Variants in HSD17B13 observed in about 807,000 individuals in gnomAD.
HSD17B13 encodes 17-beta-hydroxysteroid dehydrogenase 13.
In HSD17B13, 26 loss-of-function variants were observed where a neutral mutation model predicts 31.1. The observed-to-expected ratio is 0.84, with a 90% CI of 0.61 to 1.16. The LOEUF is 1.16. Ranked by LOEUF, HSD17B13 falls within the 50% of genes most tolerant of loss-of-function variation. HSD17B13 has a pLI of 0.00. For missense variants in HSD17B13, 374 were observed against 366.5 expected, an observed-to-expected ratio of 1.02 and a Z score of -0.17; for synonymous variants, 141 against 133.7, an observed-to-expected ratio of 1.05 and a Z score of -0.38.
intron 5 of HSD17B13, among the ~76,000 whole-genome samples, chr4:87,310,800 G>A (rs1180017022): frequency 4.6e-5 from 7 of 152,106 alleles, no homozygotes; most frequent in Admixed American, 2.0e-4. Context: ...TTTTGAGGTC[G>A]TCATTTTGTC....
intron 1 of HSD17B13, among the ~76,000 whole-genome samples, chr4:87,320,393 T>TG (rs1553956631): frequency 3.4e-5 from 5 of 145,080 alleles, no homozygotes; most frequent in South Asian, 4.5e-4. Context: ...TTTTTTTTTT[T>TG]TTTTTTTTTT....
intron 4 of HSD17B13, among the ~76,000 whole-genome samples, chr4:87,314,927 A>G (rs1420111865): frequency 6.6e-6 from 1 of 152,222 alleles, no homozygotes; most frequent in African/African-American, 2.4e-5. Context: ...ACCTGGTTTC[A>G]TTGTTTTAGA....
rs141435392 is a variant in HSD17B13, at chr4:87,310,328, C to T, written c.727G>A (p.Val243Ile). 1.6e-5 allele frequency: 25 copies of T among 1,569,578 alleles called. No homozygotes were observed. Among genetic ancestry groups the T allele is most frequent in the African/African-American group, 7.0e-5 (5 of 71,728 alleles). Residue 243 changes from valine to isoleucine, a missense_variant, in exon 6 of 7, where the codon GTA becomes ATA. By Grantham distance (29) the Val-to-Ile change is conservative. Coordinates refer to ENST00000328546, the MANE Select transcript of HSD17B13 (RefSeq NM_178135.5). Reference protein sequence around the residue: ...LWPVLETDEVVRSLIDGILTN... With the variant: ...LWPVLETDEVIRSLIDGILTN... ...AGTATTCCATCTATCAGACTTCTTA[C>T]GACTTCATCTGTCTCCAATACAGGC... is the stretch of plus-strand genomic sequence containing the variant.
chr4:87,303,928 TC>T lies in HSD17B13; in HGVS notation c.*1289del, dbSNP rs1296910566. The T allele has an allele frequency of 6.6e-6, 1 of 152,020 alleles. No individual in the cohort carries two copies. The highest frequency in any genetic ancestry group is 1.5e-5 in the Non-Finnish European group (1 of 68,026). The allele number at this position is 152,020 out of a possible 1,614,324, so 9.4% of individuals were successfully genotyped here. A position where few individuals can be genotyped will look rare whatever the true frequency, so the allele number is the denominator to read the frequency against. On this transcript the variant is annotated 3_prime_UTR_variant, in exon 7 of 7. Transcript: ENST00000328546. ...GTTTTTAATAAAAACAAGAGGATAGTCCATGCAAAAGCATTCTATAATACAT... is the reference window on the plus strand; with the variant it reads ...GTTTTTAATAAAAACAAGAGGATAGTCATGCAAAAGCATTCTATAATACAT...
chr4:87,321,941 G>C (rs548681037), intron 1 of HSD17B13, among the ~76,000 whole-genome samples: 11 of 152,286 alleles, frequency 7.2e-5, no homozygotes, highest in African/African-American at 2.4e-4. Context: ...TACAAGTTTA[G>C]AGAAAATGAT....
intron 1 of HSD17B13, among the ~76,000 whole-genome samples, chr4:87,320,450 C>G (rs1408806359): frequency 1.5e-5 from 2 of 133,788 alleles, no homozygotes; most frequent in East Asian, 2.4e-4. Context: ...GCAGTGGCGT[C>G]ATCTCGGCTC....
chr4:87,317,563 C>CTTTTTTTTTTTTTCTT (rs1734681400), intron 2 of HSD17B13, among the ~76,000 whole-genome samples: 1 of 49,748 alleles, frequency 2.0e-5, no homozygotes, highest in African/African-American at 8.4e-5. Flanking sequence ...TTTCTTTAAA[C>CTTTTTTTTTTTTTCTT]TTTTTTTTTT....
Position 87,317,017 on chromosome 4 carries a change from T to C in HSD17B13, c.450+75A>G. ...CTGGCCAGTTTCCTGTCCAGAAGTA[T>C]GTGAACTCCGTTATAAGTTTCATGT... On this transcript the variant is annotated intron_variant, in intron 3 of 6. Transcript: ENST00000328546. 5 of 1,462,184 alleles carry C rather than the reference T, an allele frequency of 3.4e-6. No individual in the cohort carries two copies. The South Asian group carries it at 5.8e-5, about 17-fold the overall frequency. The allele number at this position is 1,462,184 out of a possible 1,614,324, so 90.6% of individuals were successfully genotyped here. A position where few individuals can be genotyped will look rare whatever the true frequency, so the allele number is the denominator to read the frequency against.
At chr4:87,321,887 T>A (rs1047597104) in intron 1 of HSD17B13, among the ~76,000 whole-genome samples, 1 of 152,250 alleles carries the variant, frequency 6.6e-6, no homozygotes, top group Admixed American at 6.5e-5. Flanking sequence ...CCTAAAATCC[T>A]GTAAACACTT....
Position 87,317,217 on chromosome 4 carries a change from T to C in HSD17B13, c.325A>G (p.Lys109Glu), listed in dbSNP as rs1734671330. The C allele has an allele frequency of 6.2e-7, 1 of 1,613,958 alleles. No homozygotes were observed. Among genetic ancestry groups the C allele is most frequent in the African/African-American group, 1.3e-5 (1 of 74,948 alleles). Residue 109 changes from lysine (K) to glutamate (E), a missense_variant, in exon 3 of 7, where the codon AAA becomes GAA. Coordinates refer to ENST00000328546, the MANE Select transcript of HSD17B13 (RefSeq NM_178135.5). The stretch of plus-strand genomic sequence containing the variant: ...ACGATTGTTACATCACCCACTTCTT[T>C]CTTCACCTTTTGAAATTGAAAGAAC... ...EIYRSLNQVK[K>E]EVGDVTIVVN...
intron 5 of HSD17B13, among the ~76,000 whole-genome samples, chr4:87,310,749 A>G (rs760236619): frequency 1.3e-5 from 2 of 152,194 alleles, no homozygotes; most frequent in Non-Finnish European, 2.9e-5. Flanking sequence ...ATAGCTAAGT[A>G]TACTTTCTTT....
rs140579093 is a variant in HSD17B13 at position 87,314,297 on chromosome 4, T to C, written c.558-337A>G. On this transcript the variant is annotated intron_variant, in intron 4 of 6. Coordinates refer to ENST00000328546, the MANE Select transcript of HSD17B13 (RefSeq NM_178135.5). ...TCAGTTTTTATTGCTGCTTTTATTT[T>C]GAAAAATATGAATCAGGAAAAATAC... Among the ~76,000 whole-genome samples, 473 of 152,252 alleles carry C rather than the reference T, an allele frequency of 3.1e-3. 2 individuals are homozygous for C. The highest frequency in any genetic ancestry group is 0.01 in the African/African-American group (435 of 41,542).
intron 3 of HSD17B13, among the ~76,000 whole-genome samples, chr4:87,316,372 G>C (rs1734648970): frequency 6.6e-6 from 1 of 152,150 alleles, no homozygotes; most frequent in African/African-American, 2.4e-5. Flanking sequence ...TGGTGGGCAT[G>C]GGAGCCAATT....
At chr4:87,310,751 A>T (rs1055430041) in intron 5 of HSD17B13, among the ~76,000 whole-genome samples, 5 of 152,208 alleles carry the variant, frequency 3.3e-5, no homozygotes, top group African/African-American at 2.4e-5. Context: ...AGCTAAGTAT[A>T]CTTTCTTTCT....
In HSD17B13 at chr4:87,322,803, G is replaced by A; in HGVS notation, c.39C>T (p.Thr13=). The change falls in exon 1 of 7, where the codon ACC becomes ACT. Residue 13 remains threonine (T), a synonymous_variant. Transcript: ENST00000328546. ...IILEILLLLI[T]IIYSYLESLV... is the part of the protein sequence containing the mutation. ...ACGACTCCAAGTAGGAGTAGATGATGGTGATCAGAAGCAGAAGGATTTCTA... is the reference window on the plus strand; with the variant it reads ...ACGACTCCAAGTAGGAGTAGATGATAGTGATCAGAAGCAGAAGGATTTCTA... 1 of 1,614,110 alleles carries A rather than the reference G, an allele frequency of 6.2e-7. No homozygotes were observed. Among genetic ancestry groups the A allele is most frequent in the Non-Finnish European group, 8.5e-7 (1 of 1,179,998 alleles).
At position 87,313,928 on chromosome 4, in the gene HSD17B13, C is replaced by G. The variant is rs762314183; in HGVS notation, c.590G>C (p.Arg197Thr). The change falls in exon 5 of 7, where the codon AGA becomes ACA. Residue 197 changes from arginine to threonine, a missense_variant. Transcript: ENST00000328546. ...GGCCTGAAGTTCTGATGTCAGACCTCTGTGAAAGCCAACAGCGGCAAATTT... is the reference window on the plus strand; with the variant it reads ...GGCCTGAAGTTCTGATGTCAGACCTGTGTGAAAGCCAACAGCGGCAAATTT... Reference protein sequence around the residue: ...SSKFAAVGFHRGLTSELQALG... With the variant: ...SSKFAAVGFHTGLTSELQALG... The G allele has an allele frequency of 6.3e-7, 1 of 1,592,084 alleles. No homozygotes were observed. Among genetic ancestry groups the G allele is most frequent in the East Asian group, 2.3e-5 (1 of 43,666 alleles).
At chr4:87,308,754 G>A (rs1246887841) in intron 6 of HSD17B13, among the ~76,000 whole-genome samples, 1 of 150,888 alleles carries the variant, frequency 6.6e-6, no homozygotes, top group Non-Finnish European at 1.5e-5. Flanking sequence ...ATAAGGGAAT[G>A]TTATGTACAA....
intron 3 of HSD17B13, 64 bp from the exon 4 acceptor site, chr4:87,315,663 G>A (rs1345214991): frequency 2.0e-6 from 2 of 1,012,580 alleles, no homozygotes; most frequent in Non-Finnish European, 2.9e-6. Flanking sequence ...AAATCAGGTA[G>A]TTTTATTTTT....
Position 87,322,865 on chromosome 4 carries a change from CT to C in HSD17B13, c.-25del. 1 of 1,598,076 alleles carries C rather than the reference CT, an allele frequency of 6.3e-7. No homozygotes were observed. Among genetic ancestry groups the C allele is most frequent in the Non-Finnish European group, 8.6e-7 (1 of 1,166,182 alleles). ...ATGGCTTTGCTCTGTCCTCTTCCTT[CT>C]GGTTCAGTCCTTGTGTAGTCCTAGG... On this transcript the variant is annotated 5_prime_UTR_variant, in exon 1 of 7. Coordinates refer to ENST00000328546, the MANE Select transcript of HSD17B13 (RefSeq NM_178135.5).
Sources: gnomAD v4.1 joint callset for allele counts (sites outside exome capture counted in the v4.1 genomes callset) on GRCh38, gnomAD v4.1.1 for gene constraint, MANE v1.5 for transcripts, NCBI Gene and HGNC (gene_info 2026-07-23, HGNC 2026-07-21) for gene names.